Variants in SPIDR observed in about 807,000 individuals in gnomAD.
SPIDR encodes the protein scaffold protein involved in DNA repair.
SPIDR carries 93 observed loss-of-function variants against 104.6 expected under a neutral mutation model. The ratio of observed to expected loss-of-function variants is 0.89; its 90% CI spans 0.75 to 1.06. The LOEUF is 1.06. Among genes scored for constraint, SPIDR ranks in the 50% least tolerant of loss-of-function variants. The pLI is 0.00. For missense variants in SPIDR, 1,154 were observed against 1,111.2 expected (o/e 1.04, Z -0.55); for synonymous variants, 431 against 416.9 (o/e 1.03, Z -0.41).
intron 7 of SPIDR, among the ~76,000 whole-genome samples, chr8:47,423,037 G>T (rs188358510): frequency 1.5e-4 from 23 of 152,266 alleles, no homozygotes; most frequent in African/African-American, 5.3e-4. Context: ...CGGGTGTGGT[G>T]TCTCATGCTT....
At chr8:47,589,580 A>G (rs1228890648) in intron 8 of SPIDR, among the ~76,000 whole-genome samples, 1 of 152,124 alleles carries the variant, frequency 6.6e-6, no homozygotes, top group Non-Finnish European at 1.5e-5. Context: ...AGGCTATTCA[A>G]ATAATCTGTT....
At chr8:47,530,158 A>T (rs2085712729) in intron 8 of SPIDR, among the ~76,000 whole-genome samples, 1 of 152,224 alleles carries the variant, frequency 6.6e-6, no homozygotes, top group Non-Finnish European at 1.5e-5. Context: ...ATTGTAACAA[A>T]ATGATAAATA....
rs1005226101 is a variant in SPIDR, at chr8:47,303,443, C to G, written c.525+9413C>G. Among the ~76,000 whole-genome samples, 3 of 152,272 alleles carry G rather than the reference C, an allele frequency of 2.0e-5. No homozygotes were observed. In the South Asian group the frequency reaches 6.2e-4, roughly 32 times the overall value. On this transcript the variant is annotated intron_variant, in intron 5 of 19. Transcript: ENST00000297423. ...TTCGGCTTACGCTGGGTGCACTGCA[C>G]CCAGTGTGCTGCACCCTCTGTCCAA...
chr8:47,270,371 G>A (rs1389322035), intron 1 of SPIDR, among the ~76,000 whole-genome samples: 1 of 151,924 alleles, frequency 6.6e-6, no homozygotes, highest in African/African-American at 2.4e-5. Flanking sequence ...TGTCTTTCTC[G>A]GAATTTGTTC....
At chr8:47,370,354 A>C (rs1340905192) in intron 5 of SPIDR, among the ~76,000 whole-genome samples, 1 of 152,130 alleles carries the variant, frequency 6.6e-6, no homozygotes, top group East Asian at 1.9e-4. Context: ...CATAAGAAAC[A>C]GTATATCACA....
At chr8:47,313,534 A>C (rs1264043686) in intron 5 of SPIDR, among the ~76,000 whole-genome samples, 2 of 152,096 alleles carry the variant, frequency 1.3e-5, no homozygotes, top group Non-Finnish European at 2.9e-5. Flanking sequence ...GCTACCAATG[A>C]CTCTCTTCAC....
At chr8:47,576,489 A>C (rs1466551947) in intron 8 of SPIDR, among the ~76,000 whole-genome samples, 1 of 150,556 alleles carries the variant, frequency 6.6e-6, no homozygotes, top group Non-Finnish European at 1.5e-5. Flanking sequence ...GGTGGAGTGC[A>C]GTGGCACGAT....
intron 10 of SPIDR, chr8:47,654,292 CACAAGCAAG>C (rs1010520781): frequency 2.0e-5 from 13 of 658,730 alleles, no homozygotes; most frequent in African/African-American, 3.7e-5. Flanking sequence ...CAGGAAGGGC[CACAAGCAAG>C]GCAAGACCGT....
intron 8 of SPIDR, among the ~76,000 whole-genome samples, chr8:47,443,818 G>T (rs1482719183): frequency 2.6e-5 from 4 of 151,488 alleles, no homozygotes; most frequent in Admixed American, 2.0e-4. Context: ...TGGTCCTGTA[G>T]TAATAAATAT....
chr8:47,541,121 A>C (rs1273743581), intron 8 of SPIDR, among the ~76,000 whole-genome samples: 1 of 152,220 alleles, frequency 6.6e-6, no homozygotes, highest in East Asian at 1.9e-4. Context: ...CGGCCTCCCA[A>C]AATGCTGGGA....
intron 11 of SPIDR, among the ~76,000 whole-genome samples, chr8:47,699,968 A>C (rs1015336689): frequency 6.6e-6 from 1 of 152,226 alleles, no homozygotes; most frequent in Non-Finnish European, 1.5e-5. Context: ...GATAACCACT[A>C]AAAACATTCT....
chr8:47,281,610 GA>G (rs2037795875), intron 2 of SPIDR, among the ~76,000 whole-genome samples: 1 of 152,168 alleles, frequency 6.6e-6, no homozygotes, highest in African/African-American at 2.4e-5. Flanking sequence ...CAACTCGTAG[GA>G]AATTGCAGCA....
At chr8:47,493,606 A>C (rs1372092856) in intron 8 of SPIDR, among the ~76,000 whole-genome samples, 4 of 152,206 alleles carry the variant, frequency 2.6e-5, no homozygotes, top group African/African-American at 9.6e-5. Context: ...TGGTGATCAG[A>C]GCAGAGGTCT....
At chr8:47,610,713 G>A (rs2063495702) in intron 10 of SPIDR, among the ~76,000 whole-genome samples, 1 of 152,166 alleles carries the variant, frequency 6.6e-6, no homozygotes, top group African/African-American at 2.4e-5. Flanking sequence ...AGCAATTCTT[G>A]GGTTGGACAC....
chr8:47,414,453 G>T (rs1296906380), intron 7 of SPIDR, among the ~76,000 whole-genome samples: 1 of 152,140 alleles, frequency 6.6e-6, no homozygotes, highest in East Asian at 1.9e-4. Context: ...ATTAAGTGTA[G>T]CATGTCAAAC....
rs551709761 is a variant in SPIDR at position 47,455,025 on chromosome 8, A to G, written c.1097+14483A>G. ...TGAAAGGAAGAAATACTAAACAGCA[A>G]TTTGAAGCCAAAAGAAAAAAATAAA... On this transcript the variant is annotated intron_variant, in intron 8 of 19. Transcript: ENST00000297423. Among the ~76,000 whole-genome samples, 16 of 152,312 alleles carry G rather than the reference A, an allele frequency of 1.1e-4. No individual in the cohort carries two copies. The South Asian group carries it at 1.2e-3, about 12-fold the overall frequency.
At chr8:47,545,115 CTTTCTTTT>C (rs1279690750) in intron 8 of SPIDR, among the ~76,000 whole-genome samples, 34 of 27,826 alleles carry the variant, frequency 1.2e-3, no homozygotes, top group African/African-American at 3.6e-3. Flanking sequence ...TTCTTTCTTT[CTTTCTTTT>C]TTTTTTTTTT....
At chr8:47,678,032 C>T (rs989451956) in intron 11 of SPIDR, among the ~76,000 whole-genome samples, 2 of 150,424 alleles carry the variant, frequency 1.3e-5, no homozygotes, top group African/African-American at 4.9e-5. Flanking sequence ...AGTGAGACCT[C>T]CACCTCAAAA....
intron 16 of SPIDR, among the ~76,000 whole-genome samples, chr8:47,724,537 C>G (rs2083914482): frequency 6.6e-6 from 1 of 152,226 alleles, no homozygotes; most frequent in African/African-American, 2.4e-5. Context: ...TCAGTGATGA[C>G]ATGTCCGCTG....
Sources: gnomAD v4.1 joint callset for allele counts (sites outside exome capture counted in the v4.1 genomes callset) on GRCh38, gnomAD v4.1.1 for gene constraint, MANE v1.5 for transcripts, NCBI Gene and HGNC (gene_info 2026-07-23, HGNC 2026-07-21) for gene names.